Variants in GALNT13 observed in about 807,000 individuals in gnomAD.
The protein encoded by GALNT13 is polypeptide N-acetylgalactosaminyltransferase 13, also known as UDP-GalNAc:polypeptide N-acetylgalactosaminyltransferase 13.
In GALNT13, 28 loss-of-function variants were observed where a neutral mutation model predicts 64.2. That is an observed-to-expected ratio of 0.44 (90% confidence interval 0.32 to 0.60). The LOEUF is 0.60. Ranked by LOEUF, GALNT13 falls within the 20% of genes least tolerant of loss-of-function variation. The pLI is 0.05. For missense variants in GALNT13, 577 were observed against 669.8 expected, an observed-to-expected ratio of 0.86 and a Z score of 1.53; for synonymous variants, 214 against 224.6, an observed-to-expected ratio of 0.95 and a Z score of 0.42.
chr2:154,314,269 T>G (rs995746764), intron 9 of GALNT13, among the ~76,000 whole-genome samples: 3 of 152,202 alleles, frequency 2.0e-5, no homozygotes, highest in Non-Finnish European at 4.4e-5. Flanking sequence ...ATTTCAATTC[T>G]AATTTCTTAA....
the GALNT13 span, among the ~76,000 whole-genome samples, chr2:153,284,129 G>A: frequency 6.6e-6 from 1 of 152,192 alleles, no homozygotes; most frequent in Non-Finnish European, 1.5e-5. Flanking sequence ...AATGCCTGGA[G>A]TTTTGCCTGG....
the GALNT13 span, among the ~76,000 whole-genome samples, chr2:153,809,751 T>C: frequency 7.2e-5 from 11 of 152,136 alleles, no homozygotes; most frequent in Non-Finnish European, 1.5e-4. Context: ...ACTACGCCTT[T>C]ATATTTTGCT....
chr2:154,366,014 A>G (rs1292307025), intron 9 of GALNT13, among the ~76,000 whole-genome samples: 1 of 152,172 alleles, frequency 6.6e-6, no homozygotes, highest in Admixed American at 6.5e-5. Flanking sequence ...AGAACTAAAT[A>G]TCATTGATGA....
chr2:154,421,820 C>T (rs1574276240), intron 11 of GALNT13, among the ~76,000 whole-genome samples: 1 of 151,760 alleles, frequency 6.6e-6, no homozygotes, highest in South Asian at 2.1e-4. Flanking sequence ...AGATAGATAT[C>T]GCTGTTTAAA....
chr2:154,208,937 A>T (rs1687619914), intron 4 of GALNT13, among the ~76,000 whole-genome samples: 1 of 152,096 alleles, frequency 6.6e-6, no homozygotes, highest in Non-Finnish European at 1.5e-5. Context: ...TGCAAGAGAT[A>T]CCTACAATAA....
the GALNT13 span, among the ~76,000 whole-genome samples, chr2:153,075,442 A>G: frequency 6.6e-6 from 1 of 152,196 alleles, no homozygotes; most frequent in Non-Finnish European, 1.5e-5. Flanking sequence ...CTTACAATTC[A>G]GATAACTGTC....
the GALNT13 span, among the ~76,000 whole-genome samples, chr2:153,725,564 G>A: frequency 2.6e-5 from 4 of 151,860 alleles, no homozygotes; most frequent in Admixed American, 6.6e-5. Flanking sequence ...ATAATGGGAA[G>A]CTTTTAAATG....
At chr2:153,509,874 A>G in the GALNT13 span, among the ~76,000 whole-genome samples, 1 of 152,200 alleles carries the variant, frequency 6.6e-6, no homozygotes, top group Admixed American at 6.5e-5. Flanking sequence ...TTGGTGATGG[A>G]AAAATCTCGT....
At chr2:154,349,440 A>T (rs908472933) in intron 9 of GALNT13, among the ~76,000 whole-genome samples, 8 of 152,230 alleles carry the variant, frequency 5.3e-5, no homozygotes, top group Admixed American at 5.2e-4. Context: ...ATAAATGAAC[A>T]AGCTATAAGT....
At chr2:153,345,645 TTC>T in the GALNT13 span, among the ~76,000 whole-genome samples, 1,071 of 119,144 alleles carry the variant, frequency 9.0e-3, 7 homozygotes, top group Middle Eastern at 0.012. Context: ...TTTTCTTTCT[TTC>T]TTTCTTTCTT....
chr2:153,269,658 A>G, the GALNT13 span, among the ~76,000 whole-genome samples: 1 of 152,138 alleles, frequency 6.6e-6, no homozygotes, highest in Non-Finnish European at 1.5e-5. Flanking sequence ...AATTCTCTGT[A>G]TTAGTTCGTT....
chr2:153,855,759 T>G, the GALNT13 span, among the ~76,000 whole-genome samples: 1 of 152,242 alleles, frequency 6.6e-6, no homozygotes, highest in Middle Eastern at 3.4e-3. Flanking sequence ...AATGAAGACA[T>G]ACATCCACAC....
chr2:153,847,961 G>A, the GALNT13 span, among the ~76,000 whole-genome samples: 2 of 152,256 alleles, frequency 1.3e-5, no homozygotes, highest in East Asian at 3.9e-4. Flanking sequence ...GTTCCATCTT[G>A]AGGCAAGAGA....
the GALNT13 span, among the ~76,000 whole-genome samples, chr2:153,096,570 T>C: frequency 2.6e-5 from 4 of 152,198 alleles, no homozygotes; most frequent in Non-Finnish European, 5.9e-5. Flanking sequence ...ATATTTAAAA[T>C]TGTTATATCC....
At chr2:154,141,479 T>A (rs1683256138) in intron 4 of GALNT13, among the ~76,000 whole-genome samples, 2 of 152,176 alleles carry the variant, frequency 1.3e-5, no homozygotes, top group Non-Finnish European at 2.9e-5. Context: ...GATTTTCAAT[T>A]TTTTCTTTTA....
intron 4 of GALNT13, among the ~76,000 whole-genome samples, chr2:154,240,837 G>T (rs1420703141): frequency 1.3e-5 from 2 of 152,206 alleles, no homozygotes; most frequent in Non-Finnish European, 2.9e-5. Context: ...TGGAGAATGA[G>T]TGCAAGGTTT....
chr2:153,917,520 G>C (rs192829966), intron 2 of GALNT13, among the ~76,000 whole-genome samples: 2 of 152,088 alleles, frequency 1.3e-5, no homozygotes, highest in African/African-American at 4.8e-5. Flanking sequence ...AATTTTTCTA[G>C]AAGTATTAAC....
At chr2:153,908,375 A>C (rs1325508794) in intron 2 of GALNT13, among the ~76,000 whole-genome samples, 1 of 151,934 alleles carries the variant, frequency 6.6e-6, no homozygotes, top group Non-Finnish European at 1.5e-5. Context: ...CTTTTTCTGC[A>C]CAGAAGCTCT....
chr2:153,902,711 G>C (rs1472491812), intron 2 of GALNT13, among the ~76,000 whole-genome samples: 2 of 152,048 alleles, frequency 1.3e-5, no homozygotes, highest in African/African-American at 4.8e-5. Context: ...GGTTCAGGGA[G>C]TAATAGTAAT....
Sources: allele counts gnomAD v4.1 joint callset (sites outside exome capture counted in the v4.1 genomes callset), GRCh38; gene constraint gnomAD v4.1.1; transcripts MANE v1.5; gene names NCBI Gene and HGNC (gene_info 2026-07-23, HGNC 2026-07-21).